CPA3: variants seen among roughly 807,000 people sequenced by gnomAD.
The protein encoded by CPA3 is carboxypeptidase A3.
CPA3 carries 52 observed loss-of-function variants against 55.8 expected under a neutral mutation model. The ratio of observed to expected loss-of-function variants is 0.93; its 90% CI spans 0.75 to 1.17. CPA3 has a LOEUF of 1.17. Among genes scored for constraint, CPA3 ranks in the 50% most tolerant of loss-of-function variants. CPA3 has a pLI of 0.00. For synonymous variants in CPA3, 179 were observed against 171.2 expected (o/e 1.05, Z -0.36); for missense variants, 547 against 509.1 (o/e 1.07, Z -0.72).
rs766795653 is a variant in CPA3, at chr3:148,878,696, C to T, written c.422C>T (p.Ser141Phe). The change falls in exon 5 of 11, where the codon TCT (serine) becomes TTT (phenylalanine). Residue 141 changes from serine to phenylalanine, a missense_variant. Ser to Phe is a radical substitution (Grantham distance 155, BLOSUM62 -2). Coordinates refer to ENST00000296046, the MANE Select transcript of CPA3 (RefSeq NM_001870.4). ...ATGGATAAGTATCCTGAAATGGTCTCTCGTATTAAAATTGGATCTACTGTT... is the reference window on the plus strand; with the variant it reads ...ATGGATAAGTATCCTGAAATGGTCTTTCGTATTAAAATTGGATCTACTGTT... ...KMMDKYPEMV[S>F]RIKIGSTVED... 2.5e-6 allele frequency: 4 copies of T among 1,612,232 alleles called. No homozygotes were observed. In the Admixed American group the frequency reaches 5.0e-5, roughly 20 times the overall value.
At position 148,878,501 on chromosome 3, in the gene CPA3, C is replaced by G. The variant is rs1576581668; in HGVS notation, c.330C>G (p.Ile110Met). ...IEKQFDVKEDIPGRHSYAKYN... is the reference protein window; with the variant it reads ...IEKQFDVKEDMPGRHSYAKYN... ...AACAGTTTGATGTTAAAGAAGATAT[C>G]CCAGGCAGGCACAGCTACGCAAAAT... The change falls in exon 4 of 11, where the codon ATC becomes ATG. Residue 110 changes from isoleucine to methionine, a missense_variant. Transcript: ENST00000296046. 6.2e-7 allele frequency: 1 copy of G among 1,613,498 alleles called. No homozygotes were observed. The highest frequency in any genetic ancestry group is 2.2e-5 in the East Asian group (1 of 44,822).
chr3:148,878,482 T>C lies in CPA3; in HGVS notation c.311T>C (p.Phe104Ser), dbSNP rs1404868107. ...HDLQEEIEKQ[F>S]DVKEDIPGRH... ...CTACAAGAAGAGATTGAGAAACAGT[T>C]TGATGTTAAAGAAGATATCCCAGGC... The change falls in exon 4 of 11, where the codon TTT (phenylalanine) becomes TCT (serine). Residue 104 changes from phenylalanine to serine, a missense_variant. By Grantham distance (155) the Phe-to-Ser change is radical. Coordinates refer to ENST00000296046, the MANE Select transcript of CPA3 (RefSeq NM_001870.4). The C allele has an allele frequency of 5.6e-6, 9 of 1,613,458 alleles. No homozygotes were observed. The highest frequency in any genetic ancestry group is 1.7e-4 in the Middle Eastern group (1 of 6,054).
At chr3:148,876,171 T>G (rs1714196280) in intron 3 of CPA3, among the ~76,000 whole-genome samples, 1 of 148,738 alleles carries the variant, frequency 6.7e-6, no homozygotes. Context: ...TAACCAAAAA[T>G]GTAGTGAGAA....
At chr3:148,880,480 C>T (rs534112643) in intron 6 of CPA3, among the ~76,000 whole-genome samples, 8 of 152,006 alleles carry the variant, frequency 5.3e-5, no homozygotes, top group Non-Finnish European at 7.4e-5. Flanking sequence ...TACAGGCATG[C>T]GCCACCATGC....
chr3:148,895,117 C>T (rs2108041690), intron 10 of CPA3, among the ~76,000 whole-genome samples: 1 of 152,270 alleles, frequency 6.6e-6, no homozygotes. Context: ...ATTAACAAAC[C>T]TAAAGTACTA....
chr3:148,895,070 A>G (rs1312889792), intron 10 of CPA3, among the ~76,000 whole-genome samples: 1 of 152,144 alleles, frequency 6.6e-6, no homozygotes, highest in Non-Finnish European at 1.5e-5. Flanking sequence ...TTCATTTCAC[A>G]CTACTTCATA....
chr3:148,888,032 C>T (rs1375211277), intron 10 of CPA3, among the ~76,000 whole-genome samples: 1 of 152,282 alleles, frequency 6.6e-6, no homozygotes, highest in East Asian at 1.9e-4. Context: ...ATGAACAACC[C>T]TTCCACCACC....
chr3:148,880,882 C>T (rs999407473), intron 6 of CPA3, among the ~76,000 whole-genome samples: 2 of 152,154 alleles, frequency 1.3e-5, no homozygotes, highest in Non-Finnish European at 2.9e-5. Flanking sequence ...TCCCCCTACT[C>T]AACACATAAA....
rs144291888 is a variant in CPA3, at chr3:148,879,815, G to T, written c.502G>T (p.Ala168Ser). ...TGGGGAAAAGAATGAAAGAAGAAAGGCTATTTTTACGGATTGTGGCATTCA... is the reference window on the plus strand; with the variant it reads ...TGGGGAAAAGAATGAAAGAAGAAAGTCTATTTTTACGGATTGTGGCATTCA... ...KIGEKNERRK[A>S]IFTDCGIHAR... The change falls in exon 6 of 11, where the codon GCT becomes TCT. Residue 168 changes from alanine (A) to serine (S), a missense_variant. Physicochemically the swap from Ala to Ser is moderately conservative, Grantham distance 99 (BLOSUM62 1). Coordinates refer to ENST00000296046, the MANE Select transcript of CPA3 (RefSeq NM_001870.4). 1.8e-3 allele frequency: 2,971 copies of T among 1,611,422 alleles called. 6 individuals are homozygous for T. Among genetic ancestry groups the T allele is most frequent in the Non-Finnish European group, 2.1e-3 (2,519 of 1,177,858 alleles).
Position 148,896,679 on chromosome 3 carries a change from C to A in CPA3, c.1226C>A (p.Ala409Asp), listed in dbSNP as rs779461155. The A allele has an allele frequency of 6.5e-7, 1 of 1,548,270 alleles. No individual in the cohort carries two copies. Among genetic ancestry groups the A allele is most frequent in the East Asian group, 2.3e-5 (1 of 43,836 alleles). Residue 409 changes from alanine (A) to aspartate (D), a missense_variant, in exon 11 of 11, where the codon GCC (alanine) becomes GAC (aspartate). Ala to Asp is a moderately radical substitution (Grantham distance 126, BLOSUM62 -2). Transcript: ENST00000296046. ...RETMLAVKFIAKYILKHTS is the reference protein window; with the variant it reads ...RETMLAVKFIDKYILKHTS ...ACCATGCTAGCTGTCAAATTTATTG[C>A]CAAGTATATCCTCAAGCATACTTCC... is the stretch of plus-strand genomic sequence containing the variant.
chr3:148,874,669 A>G (rs928282598), intron 3 of CPA3, among the ~76,000 whole-genome samples: 2 of 152,308 alleles, frequency 1.3e-5, no homozygotes, highest in East Asian at 1.9e-4. Context: ...ACTTGGTCCC[A>G]TGTGCTAAAT....
At chr3:148,895,429 CT>C (rs1714800467) in intron 10 of CPA3, among the ~76,000 whole-genome samples, 1 of 152,166 alleles carries the variant, frequency 6.6e-6, no homozygotes, top group Non-Finnish European at 1.5e-5. Flanking sequence ...AGAATAATCT[CT>C]TTTTTCTTTT....
intron 3 of CPA3, among the ~76,000 whole-genome samples, chr3:148,874,381 T>C (rs556149102): frequency 5.3e-5 from 8 of 152,304 alleles, no homozygotes; most frequent in African/African-American, 1.4e-4. Context: ...CTTCTATTAA[T>C]GCAGGTGGAG....
intron 3 of CPA3, among the ~76,000 whole-genome samples, chr3:148,876,327 A>G (rs1214981380): frequency 6.6e-6 from 1 of 151,868 alleles, no homozygotes; most frequent in Non-Finnish European, 1.5e-5. Flanking sequence ...AATGTCTATC[A>G]AAAAATCCCA....
At position 148,870,960 on chromosome 3, in the gene CPA3, G is replaced by A. The variant is rs149938437; in HGVS notation, c.269+1921G>A. The stretch of plus-strand genomic sequence containing the variant: ...GTCACCCAGACTGGAGTGCAGTGGC[G>A]CAATCTGGGTTCACTGCAAGCTCCG... On this transcript the variant is annotated intron_variant, in intron 3 of 10. Transcript: ENST00000296046. Among the ~76,000 whole-genome samples, 780 of 152,184 alleles carry A rather than the reference G, an allele frequency of 5.1e-3. 22 individuals carry two copies. Among genetic ancestry groups the A allele is most frequent in the Admixed American group, 0.048 (736 of 15,296 alleles).
intron 2 of CPA3, among the ~76,000 whole-genome samples, chr3:148,866,120 G>A (rs1713893764): frequency 6.6e-6 from 1 of 152,176 alleles, no homozygotes; most frequent in African/African-American, 2.4e-5. Flanking sequence ...TTCTCCAGCA[G>A]ATTCTCAATG....
intron 10 of CPA3, 21 bp downstream of exon 10, chr3:148,886,198 A>C: frequency 6.6e-7 from 1 of 1,516,650 alleles, no homozygotes; most frequent in Non-Finnish European, 9.1e-7. Context: ...CCTCTTATTT[A>C]CTGAGCCCTT....
intron 6 of CPA3, 136 bp downstream of exon 6, chr3:148,880,025 G>T: frequency 1.8e-6 from 1 of 571,170 alleles, no homozygotes. Context: ...GGGAAGAAAC[G>T]CTCTGAATTT....
chr3:148,886,033 A>G, intron 9 of CPA3, 60 bp from the exon 10 acceptor site: 3 of 1,168,560 alleles, frequency 2.6e-6, no homozygotes, highest in Non-Finnish European at 2.6e-6. Flanking sequence ...ACATAATTAC[A>G]TATTCCTTGG....
Sources: allele counts gnomAD v4.1 joint callset (sites outside exome capture counted in the v4.1 genomes callset), GRCh38; gene constraint gnomAD v4.1.1; transcripts MANE v1.5; gene names NCBI Gene and HGNC (gene_info 2026-07-23, HGNC 2026-07-21).